Variants in DNM3 observed in about 807,000 individuals in gnomAD.
DNM3 encodes dynamin-3.
Under a neutral mutation model 101.6 loss-of-function variants are expected in DNM3, and 47 were observed. The observed-to-expected ratio is 0.46, with a 90% CI of 0.37 to 0.59. The LOEUF (loss-of-function observed/expected upper bound fraction) is 0.59, where lower values mean the gene tolerates loss of function less well. Ranked by LOEUF, DNM3 falls within the 20% of genes least tolerant of loss-of-function variation. The pLI is 0.00. For synonymous variants in DNM3, 385 were observed against 387.9 expected, an observed-to-expected ratio of 0.99 and a Z score of 0.09; for missense variants, 849 against 1,085.7, an observed-to-expected ratio of 0.78 and a Z score of 3.06.
chr1:172,093,769 A>G (rs1298287451), intron 13 of DNM3: 1 of 1,580,328 alleles, frequency 6.3e-7, no homozygotes, highest in Admixed American at 1.9e-5. Flanking sequence ...TTTTTCATTT[A>G]GCTTCCCAAG....
intron 14 of DNM3, among the ~76,000 whole-genome samples, chr1:172,228,055 G>A (rs1043490204): frequency 4.6e-5 from 7 of 151,900 alleles, no homozygotes; most frequent in African/African-American, 1.7e-4. Flanking sequence ...GGCTCTCTGA[G>A]TATTATGGCT....
intron 10 of DNM3, among the ~76,000 whole-genome samples, chr1:172,055,506 T>C (rs923471996): frequency 1.3e-5 from 2 of 151,896 alleles, no homozygotes. Flanking sequence ...ATTAATATAT[T>C]AATTATATTA....
intron 13 of DNM3, among the ~76,000 whole-genome samples, chr1:172,106,773 C>A (rs2055047721): frequency 1.4e-5 from 2 of 143,412 alleles, no homozygotes; most frequent in Non-Finnish European, 3.0e-5. Context: ...TTCTATAAGA[C>A]TTATTTGGTT....
At chr1:172,038,676 A>G (rs1406123076) in intron 7 of DNM3, among the ~76,000 whole-genome samples, 2 of 152,174 alleles carry the variant, frequency 1.3e-5, no homozygotes, top group African/African-American at 2.4e-5. Flanking sequence ...GAGCATCCTC[A>G]TGCCCATTTA....
At chr1:172,096,442 G>T (rs938127209) in intron 13 of DNM3, among the ~76,000 whole-genome samples, 3 of 152,154 alleles carry the variant, frequency 2.0e-5, no homozygotes, top group African/African-American at 7.2e-5. Context: ...ATCCGGGCTT[G>T]GGTGTTTGTA....
intron 14 of DNM3, chr1:172,137,396 A>T (rs2057298899): frequency 6.6e-6 from 1 of 152,196 alleles, no homozygotes; most frequent in South Asian, 2.1e-4. Flanking sequence ...ACATATTGCC[A>T]TAAGACAAGA....
intron 14 of DNM3, among the ~76,000 whole-genome samples, chr1:172,145,604 C>T (rs985417316): frequency 2.0e-5 from 3 of 152,148 alleles, no homozygotes; most frequent in African/African-American, 7.2e-5. Flanking sequence ...TAGTTTCCCT[C>T]AGCTATTTTG....
chr1:172,171,337 T>G (rs1270617275), intron 14 of DNM3, among the ~76,000 whole-genome samples: 1 of 151,810 alleles, frequency 6.6e-6, no homozygotes, highest in Non-Finnish European at 1.5e-5. Flanking sequence ...ATCATGTTAT[T>G]GAATAATTCA....
intron 11 of DNM3, among the ~76,000 whole-genome samples, chr1:172,076,223 G>A (rs1393453718): frequency 8.5e-5 from 13 of 152,170 alleles, no homozygotes; most frequent in Non-Finnish European, 1.5e-5. Context: ...AGGCTGAGAC[G>A]ATGGGGTTTT....
intron 15 of DNM3, among the ~76,000 whole-genome samples, chr1:172,298,911 G>T (rs76762773): frequency 1.3e-5 from 2 of 151,786 alleles, no homozygotes; most frequent in Non-Finnish European, 2.9e-5. Context: ...AAGAAAGAAG[G>T]ATAAAAAGAA....
intron 13 of DNM3, among the ~76,000 whole-genome samples, chr1:172,113,620 C>CAAAAAAAAAAA (rs34129992): frequency 1.9e-5 from 1 of 52,354 alleles, no homozygotes; most frequent in African/African-American, 6.3e-5. Flanking sequence ...AACTCTGTCT[C>CAAAAAAAAAAA]AAAAAAAAAA....
intron 20 of DNM3, among the ~76,000 whole-genome samples, chr1:172,402,322 T>C (rs2070553550): frequency 6.6e-6 from 1 of 152,158 alleles, no homozygotes; most frequent in Non-Finnish European, 1.5e-5. Context: ...CAAGTTGATA[T>C]CAGATTCTAG....
At chr1:172,374,232 C>CT (rs2068490418) in intron 17 of DNM3, among the ~76,000 whole-genome samples, 2 of 151,960 alleles carry the variant, frequency 1.3e-5, no homozygotes, top group African/African-American at 4.8e-5. Context: ...GCCTTCAGGT[C>CT]TTTTTTTAAT....
chr1:171,922,123 TTG>T (rs3051604), intron 2 of DNM3, among the ~76,000 whole-genome samples: 6,566 of 135,658 alleles, frequency 0.048, 174 homozygotes, highest in Admixed American at 0.067. Flanking sequence ...TTGGTATGCT[TTG>T]TGTGTGTGTG....
At chr1:171,921,929 G>A (rs1019120351) in intron 2 of DNM3, 108 bp downstream of exon 2, 3 of 875,834 alleles carry the variant, frequency 3.4e-6, no homozygotes, top group African/African-American at 3.3e-5. Flanking sequence ...TCGCCCCACT[G>A]TGGGCAGCTG....
intron 17 of DNM3, among the ~76,000 whole-genome samples, chr1:172,331,568 G>A (rs1417208624): frequency 1.3e-5 from 2 of 152,026 alleles, no homozygotes; most frequent in East Asian, 1.9e-4. Context: ...CTTAATATAC[G>A]TTTGCTAGGC....
intron 2 of DNM3, among the ~76,000 whole-genome samples, chr1:171,934,346 G>A (rs2041250955): frequency 6.6e-6 from 1 of 152,120 alleles, no homozygotes; most frequent in South Asian, 2.1e-4. Flanking sequence ...CTTGATTATA[G>A]CAATTAATAC....
chr1:172,015,023 T>A (rs1364496316), intron 4 of DNM3, among the ~76,000 whole-genome samples: 1 of 132,664 alleles, frequency 7.5e-6, no homozygotes, highest in African/African-American at 3.6e-5. Flanking sequence ...TCAGCAAAAT[T>A]TTTTGAAAAA....
At chr1:172,036,884 G>A (rs1048844213) in intron 6 of DNM3, among the ~76,000 whole-genome samples, 49 of 151,644 alleles carry the variant, frequency 3.2e-4, no homozygotes, top group South Asian at 6.3e-4. Flanking sequence ...GAAAATTTTC[G>A]CAACCTACTC....
Sources: allele counts gnomAD v4.1 joint callset (sites outside exome capture counted in the v4.1 genomes callset), GRCh38; gene constraint gnomAD v4.1.1; transcripts MANE v1.5; gene names NCBI Gene and HGNC (gene_info 2026-07-23, HGNC 2026-07-21).